Variants in SP3 observed in about 807,000 individuals in gnomAD.
SP3 encodes the protein Sp3 transcription factor.
SP3 carries 10 observed loss-of-function variants against 70.3 expected under a neutral mutation model. The ratio of observed to expected loss-of-function variants is 0.14; its 90% confidence interval spans 0.09 to 0.24. The LOEUF (loss-of-function observed/expected upper bound fraction) is 0.24, where lower values mean the gene tolerates loss of function less well. Ranked by LOEUF, SP3 falls within the 10% of genes least tolerant of loss-of-function variation. The pLI is 1.00. For synonymous variants in SP3, 402 were observed against 333.5 expected, an observed-to-expected ratio of 1.21 and a Z score of -2.24; for missense variants, 825 against 914.6, an observed-to-expected ratio of 0.90 and a Z score of 1.26.
In SP3 at chr2:173,965,293, A is replaced by C; in HGVS notation, c.-122T>G. 2.6e-6 allele frequency: 3 copies of C among 1,168,344 alleles called. No individual in the cohort carries two copies. The East Asian group carries it at 7.9e-5, about 31-fold the overall frequency. 72.4% of individuals were successfully genotyped at this position (1,168,344 alleles called of 1,614,324 possible). On this transcript the variant is annotated 5_prime_UTR_variant, in exon 1 of 7. Transcript: ENST00000310015. The stretch of plus-strand genomic sequence containing the variant: ...CGGACACGGCCGGAGCGGTCCGGGG[A>C]TTTTTTTTTCCTATTTTGATTGACT...
chr2:173,929,466 T>C (rs1307799212), intron 4 of SP3, among the ~76,000 whole-genome samples: 1 of 152,208 alleles, frequency 6.6e-6, no homozygotes, highest in Admixed American at 6.5e-5. Flanking sequence ...CAGAGACCTA[T>C]TTATTAAAAC....
intron 4 of SP3, among the ~76,000 whole-genome samples, chr2:173,929,127 G>GCCTTGGAA (rs1273882838): frequency 6.6e-6 from 1 of 151,806 alleles, no homozygotes; most frequent in Non-Finnish European, 1.5e-5. Flanking sequence ...TTCCAAGGTT[G>GCCTTGGAA]CCTTGCCAAA....
intron 3 of SP3, among the ~76,000 whole-genome samples, chr2:173,956,541 A>G (rs1335487098): frequency 6.6e-6 from 1 of 152,230 alleles, no homozygotes; most frequent in Admixed American, 6.5e-5. Context: ...ACACAAAACA[A>G]AACAGTGGAG....
Position 173,937,602 on chromosome 2 carries a change from T to TAA in SP3, c.1639+17269_1639+17270dup, listed in dbSNP as rs1041441246. Among the ~76,000 whole-genome samples the TAA allele has an allele frequency of 1.9e-4, 29 of 152,296 alleles. No individual in the cohort carries two copies. In the East Asian group the frequency reaches 5.6e-3, roughly 29 times the overall value. ...ATTTTTAAATAATTCTGATGCTCAC[T>TAA]AAAGTCCGAGAAAAAAATGTTTAAA... On this transcript the variant is annotated intron_variant, in intron 4 of 6. Transcript: ENST00000310015.
In SP3 at chr2:173,939,492, G is replaced by A. The variant is rs138007240; in HGVS notation, c.1639+15381C>T. Among the ~76,000 whole-genome samples the A allele has an allele frequency of 8.5e-4, 129 of 152,188 alleles. 2 individuals carry two copies. The highest frequency in any genetic ancestry group is 1.5e-3 in the Non-Finnish European group (99 of 68,006). On this transcript the variant is annotated intron_variant, in intron 4 of 6. Coordinates refer to ENST00000310015, the MANE Select transcript of SP3 (RefSeq NM_003111.5). The stretch of plus-strand genomic sequence containing the variant: ...ATTTTTGTGACATCTGGCCAGGCAC[G>A]GTGGCTCATGCCTGTAATCCCAGCA...
intron 3 of SP3, among the ~76,000 whole-genome samples, chr2:173,960,946 A>C (rs577901367): frequency 4.5e-4 from 68 of 152,320 alleles, no homozygotes; most frequent in African/African-American, 1.5e-3. Context: ...ACTGCACTCC[A>C]GTCTGGGCGA....
chr2:173,956,722 T>C (rs545249717), intron 3 of SP3, among the ~76,000 whole-genome samples: 2 of 152,340 alleles, frequency 1.3e-5, no homozygotes, highest in East Asian at 1.9e-4. Context: ...AACTCATGGC[T>C]AGGGCTATTC....
intron 2 of SP3, 62 bp downstream of exon 2, chr2:173,964,343 A>AGGCGAGGGGAGGAGAAAGC: frequency 1.7e-6 from 1 of 597,834 alleles, no homozygotes; most frequent in South Asian, 1.7e-5. Context: ...GGGAGGGGAG[A>AGGCGAGGGGAGGAGAAAGC]GGCGAGGGGA....
intron 4 of SP3, among the ~76,000 whole-genome samples, chr2:173,940,255 C>A (rs993010144): frequency 2.6e-5 from 4 of 152,174 alleles, no homozygotes; most frequent in Admixed American, 2.6e-4. Context: ...GACAATTTTA[C>A]TGCTGACAAG....
rs1689199842 is a variant in SP3, at chr2:173,902,055, AC to A, written c.*7885del. Among the ~76,000 whole-genome samples, 1 of 152,164 alleles carries A rather than the reference AC, an allele frequency of 6.6e-6. No homozygotes were observed. Among genetic ancestry groups the A allele is most frequent in the African/African-American group, 2.4e-5 (1 of 41,428 alleles). ...TGTGAGAAGACCCCTACAGTGAGAG[AC>A]TATGAGGACTACCACACCTGGGCAG... On this transcript the variant is annotated 3_prime_UTR_variant, in exon 7 of 7. Coordinates refer to ENST00000310015, the MANE Select transcript of SP3 (RefSeq NM_003111.5).
intron 4 of SP3, among the ~76,000 whole-genome samples, chr2:173,950,237 C>T (rs985538368): frequency 3.3e-5 from 5 of 151,316 alleles, no homozygotes; most frequent in Non-Finnish European, 5.9e-5. Context: ...TTAATACAGG[C>T]TCGAGTAGAG....
intron 4 of SP3, among the ~76,000 whole-genome samples, chr2:173,936,274 C>T (rs1453550292): frequency 3.3e-5 from 5 of 152,302 alleles, no homozygotes; most frequent in East Asian, 1.9e-4. Flanking sequence ...CTGCCTTGGC[C>T]TCCTAAAGTG....
intron 4 of SP3, among the ~76,000 whole-genome samples, chr2:173,941,508 G>A (rs1249842956): frequency 6.6e-6 from 1 of 152,204 alleles, no homozygotes; most frequent in Non-Finnish European, 1.5e-5. Flanking sequence ...TACTTGGGAA[G>A]CTGTGGTGGT....
intron 1 of SP3, chr2:173,964,914 G>C (rs1167118841): frequency 5.7e-6 from 3 of 522,336 alleles, no homozygotes; most frequent in East Asian, 7.0e-5. Context: ...GCACACAGGG[G>C]GATGCGCTCC....
rs1689293139 is a variant in SP3, at chr2:173,905,573, A to G, written c.*4368T>C. On this transcript the variant is annotated 3_prime_UTR_variant, in exon 7 of 7. Transcript: ENST00000310015. The stretch of plus-strand genomic sequence containing the variant: ...CTGTATCTTAAACGTATTTAATACA[A>G]TGAAGTGGCATGAATCATGTTACAT... 6.6e-6 allele frequency among the ~76,000 whole-genome samples: 1 copy of G among 152,220 alleles called. No homozygotes were observed. Among genetic ancestry groups the G allele is most frequent in the Admixed American group, 6.5e-5 (1 of 15,280 alleles).
In SP3 at chr2:173,903,691, A is replaced by G. The variant is rs1367986251; in HGVS notation, c.*6250T>C. On this transcript the variant is annotated 3_prime_UTR_variant, in exon 7 of 7. Transcript: ENST00000310015. ...TAGAAACACAGGCTAATGCTGGCAG[A>G]AAGTCAGTATTCCACAAGACCAACC... Among the ~76,000 whole-genome samples the G allele has an allele frequency of 1.3e-5, 2 of 152,204 alleles. No homozygotes were observed. Among genetic ancestry groups the G allele is most frequent in the Non-Finnish European group, 2.9e-5 (2 of 68,026 alleles).
At chr2:173,963,912 G>A (rs1326879733) in intron 2 of SP3, 29 bp from the exon 3 acceptor site, 8 of 1,427,852 alleles carry the variant, frequency 5.6e-6, no homozygotes, top group African/African-American at 3.0e-5. Context: ...TTCAGAGAGG[G>A]AGACAGGGGG....
intron 4 of SP3, among the ~76,000 whole-genome samples, chr2:173,931,157 T>C (rs748007288): frequency 8.5e-5 from 13 of 152,200 alleles, no homozygotes; most frequent in Admixed American, 1.3e-4. Flanking sequence ...CTAACAATCA[T>C]CTGAGCCTTC....
chr2:173,953,774 C>A (rs750226232), intron 4 of SP3, among the ~76,000 whole-genome samples: 8,174 of 76,644 alleles, frequency 0.11, 673 homozygotes, highest in African/African-American at 0.28. Context: ...TCTCAAAAAA[C>A]AAAACAAAAC....
Sources: gnomAD v4.1 joint callset for allele counts (sites outside exome capture counted in the v4.1 genomes callset) on GRCh38, gnomAD v4.1.1 for gene constraint, MANE v1.5 for transcripts, NCBI Gene and HGNC (gene_info 2026-07-23, HGNC 2026-07-21) for gene names.